Variants in KCTD20 observed in about 807,000 individuals in gnomAD.
KCTD20 encodes BTB/POZ domain-containing protein KCTD20.
A neutral mutation model predicts 39.6 loss-of-function variants in KCTD20; 30 were observed. The ratio of observed to expected loss-of-function variants is 0.76; its 90% CI spans 0.57 to 1.03. The LOEUF (loss-of-function observed/expected upper bound fraction) is 1.03, where lower values mean the gene tolerates loss of function less well. Among genes scored for constraint, KCTD20 ranks in the 50% least tolerant of loss-of-function variants. The pLI is 0.00. For missense variants in KCTD20, 422 were observed against 522.0 expected (o/e 0.81, Z 1.87); for synonymous variants, 162 against 180.6 (o/e 0.90, Z 0.83).
At chr6:36,444,899 T>C (rs1774992608) in intron 1 of KCTD20, among the ~76,000 whole-genome samples, 1 of 152,182 alleles carries the variant, frequency 6.6e-6, no homozygotes, top group Non-Finnish European at 1.5e-5. Flanking sequence ...TCCAATAATC[T>C]CGTTTTCCTT....
At chr6:36,478,972 T>C in intron 3 of KCTD20, 149 bp from the exon 4 acceptor site, 1 of 576,984 alleles carries the variant, frequency 1.7e-6, no homozygotes, top group Non-Finnish European at 3.1e-6. Flanking sequence ...TTGAGGTGTC[T>C]TGTAGGCATT....
rs181593105 is a variant in KCTD20 at position 36,457,900 on chromosome 6, G to A, written c.-46-12152G>A. Among the ~76,000 whole-genome samples the A allele has an allele frequency of 5.7e-4, 87 of 152,238 alleles. 1 individual carries two copies. The highest frequency in any genetic ancestry group is 1.5e-5 in the Non-Finnish European group (1 of 68,024). ...TTTTTGGATATTTTTAGGTAGACTG[G>A]GATGAACTAGTAGAGGTGTTTTGTA... On this transcript the variant is annotated intron_variant, in intron 1 of 7. Transcript: ENST00000373731.
At chr6:36,448,658 G>T (rs1237085786) in intron 1 of KCTD20, among the ~76,000 whole-genome samples, 1 of 152,180 alleles carries the variant, frequency 6.6e-6, no homozygotes, top group Non-Finnish European at 1.5e-5. Context: ...TTTCTTCTGA[G>T]GCCTCTGTTT....
At chr6:36,450,319 C>T (rs893864884) in intron 1 of KCTD20, among the ~76,000 whole-genome samples, 2 of 151,610 alleles carry the variant, frequency 1.3e-5, no homozygotes, top group Admixed American at 6.6e-5. Context: ...GAAACCCTGT[C>T]TCTACTAAAA....
Position 36,487,282 on chromosome 6 carries a change from C to T in KCTD20, c.*107C>T, listed in dbSNP as rs1291355786. 1 of 1,125,504 alleles carries T rather than the reference C, an allele frequency of 8.9e-7. No individual in the cohort carries two copies. Among genetic ancestry groups the T allele is most frequent in the Admixed American group, 2.3e-5 (1 of 43,946 alleles). The allele number at this position is 1,125,504 out of a possible 1,614,324, so 69.7% of individuals were successfully genotyped here. ...CCTTGAGTAGGAGACATGCTTCTCC[C>T]CTAACCTTTTCCTTTCTGCCATAAT... is the stretch of plus-strand genomic sequence containing the variant. On this transcript the variant is annotated 3_prime_UTR_variant, in exon 8 of 8. Coordinates refer to ENST00000373731, the MANE Select transcript of KCTD20 (RefSeq NM_173562.5).
At chr6:36,476,986 A>G (rs968658498) in intron 3 of KCTD20, among the ~76,000 whole-genome samples, 4 of 152,208 alleles carry the variant, frequency 2.6e-5, no homozygotes, top group African/African-American at 9.7e-5. Flanking sequence ...TTTTCTGGGT[A>G]ACAGATTCTT....
chr6:36,457,364 C>T (rs1384672140), intron 1 of KCTD20, among the ~76,000 whole-genome samples: 2 of 152,146 alleles, frequency 1.3e-5, no homozygotes, highest in African/African-American at 4.8e-5. Context: ...TGTAATTTTA[C>T]CAATACTGAG....
chr6:36,454,882 A>G (rs1354525210), intron 1 of KCTD20, among the ~76,000 whole-genome samples: 1 of 151,252 alleles, frequency 6.6e-6, no homozygotes, highest in Non-Finnish European at 1.5e-5. Flanking sequence ...TCCTGACCTC[A>G]GGTGATCCGC....
intron 7 of KCTD20, 52 bp from the exon 8 acceptor site, chr6:36,486,831 A>G (rs367847119): frequency 5.6e-5 from 80 of 1,434,434 alleles, no homozygotes; most frequent in Non-Finnish European, 7.2e-5. Flanking sequence ...AAGTATGGAC[A>G]CCAGAGTGAG....
At chr6:36,470,353 T>G in intron 2 of KCTD20, 96 bp downstream of exon 2, 2 of 1,169,150 alleles carry the variant, frequency 1.7e-6, no homozygotes, top group Non-Finnish European at 2.4e-6. Context: ...TCTAAATAAA[T>G]TATCCAATTA....
intron 2 of KCTD20, among the ~76,000 whole-genome samples, chr6:36,473,206 A>G (rs1044440548): frequency 2.0e-5 from 3 of 151,648 alleles, no homozygotes; most frequent in South Asian, 2.1e-4. Flanking sequence ...GACTACAGGC[A>G]CCCGCCACCA....
chr6:36,467,450 T>G (rs1437120743), intron 1 of KCTD20, among the ~76,000 whole-genome samples: 1 of 132,330 alleles, frequency 7.6e-6, no homozygotes, highest in Non-Finnish European at 1.6e-5. Flanking sequence ...GCCATTCTCC[T>G]GCCTCAGCCT....
At chr6:36,479,441 C>A in intron 4 of KCTD20, 150 bp from the exon 5 acceptor site, 1 of 747,436 alleles carries the variant, frequency 1.3e-6, no homozygotes, top group Non-Finnish European at 2.1e-6. Context: ...TCAAGATAGC[C>A]AGGAGCTGTT....
intron 1 of KCTD20, among the ~76,000 whole-genome samples, chr6:36,455,874 T>G (rs1422159604): frequency 6.6e-6 from 1 of 152,164 alleles, no homozygotes; most frequent in Non-Finnish European, 1.5e-5. Context: ...TTACTTAAAG[T>G]AAGTAACTAT....
Position 36,486,973 on chromosome 6 carries a change from T to C in KCTD20, c.1058T>C (p.Met353Thr). The C allele has an allele frequency of 6.2e-7, 1 of 1,614,146 alleles. No homozygotes were observed. The highest frequency in any genetic ancestry group is 2.2e-5 in the East Asian group (1 of 44,884). Residue 353 changes from methionine to threonine, a missense_variant, in exon 8 of 8, where the codon ATG (methionine) becomes ACG (threonine). Physicochemically the swap from Met to Thr is moderately conservative, Grantham distance 81. Coordinates refer to ENST00000373731, the MANE Select transcript of KCTD20 (RefSeq NM_173562.5). Reference protein sequence around the residue: ...YNYVQRPFIQMSWEKEEGKSR... With the variant: ...YNYVQRPFIQTSWEKEEGKSR... ...TATGTACAACGCCCCTTCATCCAGA[T>C]GTCATGGGAAAAGGAAGAAGGGAAG...
At chr6:36,463,831 C>T (rs1165231710) in intron 1 of KCTD20, among the ~76,000 whole-genome samples, 1 of 152,190 alleles carries the variant, frequency 6.6e-6, no homozygotes, top group East Asian at 1.9e-4. Context: ...TTTATAGCAG[C>T]ACAAATGGAC....
intron 1 of KCTD20, among the ~76,000 whole-genome samples, chr6:36,459,829 T>C (rs924563250): frequency 6.6e-6 from 1 of 152,274 alleles, no homozygotes; most frequent in African/African-American, 2.4e-5. Flanking sequence ...TACTGATTTA[T>C]GGATCTGTCC....
rs1414135901 is a variant in KCTD20, at chr6:36,490,146, T to C, written c.*2971T>C. 6.6e-6 allele frequency: 1 copy of C among 152,212 alleles called. No individual in the cohort carries two copies. The highest frequency in any genetic ancestry group is 1.5e-5 in the Non-Finnish European group (1 of 68,040). 9.4% of individuals were successfully genotyped at this position (152,212 alleles called of 1,614,324 possible). On this transcript the variant is annotated 3_prime_UTR_variant, in exon 8 of 8. Coordinates refer to ENST00000373731, the MANE Select transcript of KCTD20 (RefSeq NM_173562.5). ...ATAAGTTGCCCAAAGGGTCCCCCTCTAAGTAAAACAAATATTCAGACCACA... is the reference window on the plus strand; with the variant it reads ...ATAAGTTGCCCAAAGGGTCCCCCTCCAAGTAAAACAAATATTCAGACCACA...
intron 1 of KCTD20, among the ~76,000 whole-genome samples, chr6:36,444,491 T>C (rs981540727): frequency 6.6e-6 from 1 of 152,218 alleles, no homozygotes; most frequent in African/African-American, 2.4e-5. Flanking sequence ...GGGCTGCTTC[T>C]AGTATCATCA....
Sources: gnomAD v4.1 joint callset for allele counts (sites outside exome capture counted in the v4.1 genomes callset) on GRCh38, gnomAD v4.1.1 for gene constraint, MANE v1.5 for transcripts, NCBI Gene and HGNC (gene_info 2026-07-23, HGNC 2026-07-21) for gene names.